The following MYOF variants were observed in gnomAD, a reference collection of about 807,000 sequenced individuals.
MYOF encodes the protein myoferlin.
A neutral mutation model predicts 284.2 loss-of-function variants in MYOF; 244 were observed. The ratio of observed to expected loss-of-function variants is 0.86; its 90% CI spans 0.77 to 0.95. The LOEUF (loss-of-function observed/expected upper bound fraction) is 0.95. Among genes scored for constraint, MYOF ranks in the 40% least tolerant of loss-of-function variants. MYOF has a pLI of 0.00. For missense variants in MYOF, 2,496 were observed against 2,560.6 expected (o/e 0.97, Z 0.54); for synonymous variants, 904 against 919.7 (o/e 0.98, Z 0.31).
chr10:93,369,266 T>TGC, intron 25 of MYOF, among the ~76,000 whole-genome samples: 1 of 147,884 alleles, frequency 6.8e-6, no homozygotes, highest in South Asian at 2.1e-4. Flanking sequence ...TTGGTGTGTG[T>TGC]GTGTGTGTGT....
At chr10:93,360,079 G>T in intron 28 of MYOF, 101 bp from the exon 29 acceptor site, 1 of 1,403,706 alleles carries the variant, frequency 7.1e-7, no homozygotes. Context: ...GCCCTCAGAT[G>T]TTCTGTACTA....
At chr10:93,309,998 G>A (rs752147783) in intron 53 of MYOF, 22 bp downstream of exon 53, 2 of 1,613,644 alleles carry the variant, frequency 1.2e-6, no homozygotes, top group Non-Finnish European at 1.7e-6. Flanking sequence ...GCCAAGACAA[G>A]GGGCCAAGGA....
In MYOF at chr10:93,310,186, G is replaced by A. The variant is rs2133702295; in HGVS notation, c.6000-19C>T. 3 of 1,612,836 alleles carry A rather than the reference G, an allele frequency of 1.9e-6. No homozygotes were observed. The highest frequency in any genetic ancestry group is 2.5e-6 in the Non-Finnish European group (3 of 1,178,914). ...TGGTCGACTGCATTGCAAAGAAACA[G>A]TATCACCTACCCAACTCAGGAGGGA... is the stretch of plus-strand genomic sequence containing the variant. On this transcript the variant is annotated intron_variant, in intron 52 of 53. Coordinates refer to ENST00000359263, the MANE Select transcript of MYOF (RefSeq NM_013451.4).
At chr10:93,396,667 G>A (rs1291486910) in intron 15 of MYOF, among the ~76,000 whole-genome samples, 3 of 152,154 alleles carry the variant, frequency 2.0e-5, no homozygotes, top group African/African-American at 7.2e-5. Flanking sequence ...ACATAATTAT[G>A]ATTGTGATGA....
chr10:93,356,772 C>T lies in MYOF; in HGVS notation c.3197G>A (p.Arg1066His), dbSNP rs988938942. 1.4e-5 allele frequency: 22 copies of T among 1,614,086 alleles called. No homozygotes were observed. The highest frequency in any genetic ancestry group is 1.6e-4 in the Middle Eastern group (1 of 6,084). Residue 1066 changes from arginine to histidine, a missense_variant, in exon 30 of 54, where the codon CGT (arginine) becomes CAT (histidine). By Grantham distance (29) the Arg-to-His change is conservative (BLOSUM62 0). This residue lies in a region of MYOF where 2,436 missense variants were observed against 2,480.7 expected (regional missense o/e 0.98). Transcript: ENST00000359263. ...TCTGCGGCGGAAGGTATCTGAACTA[C>T]GTTGTTTCCAGTGAAATTTCCAGCC... ...LIGWKFHWKQ[R>H]SSDTFRRRRW...
chr10:93,451,152 C>T (rs2056578880), intron 3 of MYOF, among the ~76,000 whole-genome samples: 1 of 152,078 alleles, frequency 6.6e-6, no homozygotes. Context: ...CCAGCCTAGC[C>T]AACATGGTGA....
chr10:93,469,077 T>A (rs1452092670), intron 1 of MYOF, among the ~76,000 whole-genome samples: 1 of 152,148 alleles, frequency 6.6e-6, no homozygotes, highest in Non-Finnish European at 1.5e-5. Context: ...CTTCAGCACC[T>A]GCTTGTGTTG....
intron 3 of MYOF, among the ~76,000 whole-genome samples, chr10:93,445,644 G>A (rs1434977894): frequency 5.3e-5 from 8 of 152,208 alleles, no homozygotes; most frequent in Non-Finnish European, 1.2e-4. Context: ...AGGTGTCACT[G>A]CCCACAGGCG....
rs1490473352 is a variant in MYOF at position 93,369,600 on chromosome 10, C to G, written c.2589+45G>C. 3.7e-6 allele frequency: 6 copies of G among 1,608,664 alleles called. No homozygotes were observed. The African/African-American group carries it at 5.4e-5, about 14-fold the overall frequency. On this transcript the variant is annotated intron_variant, in intron 25 of 53. Coordinates refer to ENST00000359263, the MANE Select transcript of MYOF (RefSeq NM_013451.4). ...ATAAAGGTGAAAAGTAAAAGTGCCC[C>G]TCCCCCGACCAAAGAAGAAAAGATA...
At chr10:93,388,133 T>C (rs1846486461) in intron 18 of MYOF, among the ~76,000 whole-genome samples, 1 of 148,712 alleles carries the variant, frequency 6.7e-6, no homozygotes, top group Non-Finnish European at 1.5e-5. Flanking sequence ...CTTGGGATGC[T>C]AGGGCTGAAA....
At chr10:93,413,031 A>G (rs1489564150) in intron 5 of MYOF, among the ~76,000 whole-genome samples, 1 of 152,112 alleles carries the variant, frequency 6.6e-6, no homozygotes, top group African/African-American at 2.4e-5. Context: ...TCCTTGCCAT[A>G]ATTATAGCAT....
intron 43 of MYOF, among the ~76,000 whole-genome samples, chr10:93,332,689 C>CA (rs756133027): frequency 7.6e-4 from 115 of 151,388 alleles, no homozygotes; most frequent in South Asian, 4.6e-3. Context: ...ACTAAAAATA[C>CA]AAAAAAAATT....
chr10:93,458,311 C>T (rs756985871), intron 1 of MYOF, among the ~76,000 whole-genome samples: 32 of 151,972 alleles, frequency 2.1e-4, no homozygotes, highest in Non-Finnish European at 3.5e-4. Flanking sequence ...CAAGATCACA[C>T]CACTGCACTC....
At chr10:93,369,870 T>C (rs1293663440) in intron 24 of MYOF, 94 bp from the exon 25 acceptor site, 5 of 1,471,150 alleles carry the variant, frequency 3.4e-6, no homozygotes, top group African/African-American at 1.4e-5. Context: ...CATCTAATCA[T>C]TGCTTTCACC....
chr10:93,443,489 T>A (rs2056337727), intron 3 of MYOF, among the ~76,000 whole-genome samples: 2 of 151,852 alleles, frequency 1.3e-5, no homozygotes, highest in Non-Finnish European at 2.9e-5. Flanking sequence ...TGTGTGTGTG[T>A]GTGTGTGTGT....
At chr10:93,417,344 A>G (rs1299158747) in intron 5 of MYOF, among the ~76,000 whole-genome samples, 1 of 152,090 alleles carries the variant, frequency 6.6e-6, no homozygotes, top group Non-Finnish European at 1.5e-5. Flanking sequence ...CATTCCTGAG[A>G]TGTATTGTGA....
chr10:93,443,472 CTGTGTGTGTG>C (rs5787060), intron 3 of MYOF, among the ~76,000 whole-genome samples: 5 of 137,154 alleles, frequency 3.6e-5, no homozygotes, highest in Admixed American at 7.2e-5. Context: ...CTCTCTCTCT[CTGTGTGTGTG>C]TGTGTGTGTG....
At chr10:93,378,302 A>C (rs545087110) in intron 21 of MYOF, among the ~76,000 whole-genome samples, 1 of 152,182 alleles carries the variant, frequency 6.6e-6, no homozygotes, top group Non-Finnish European at 1.5e-5. Context: ...TGATAAGAAG[A>C]ACCAGGATGA....
chr10:93,426,030 T>C (rs1400644112), intron 5 of MYOF, 41 bp downstream of exon 5: 3 of 1,509,538 alleles, frequency 2.0e-6, no homozygotes, highest in Non-Finnish European at 2.7e-6. Flanking sequence ...TTTAGCAGCC[T>C]CCCCCTGGGG....
Sources: allele counts gnomAD v4.1 joint callset (sites outside exome capture counted in the v4.1 genomes callset), GRCh38; gene constraint gnomAD v4.1.1; regional missense constraint gnomAD v4.1.1; transcripts MANE v1.5; gene names NCBI Gene and HGNC (gene_info 2026-07-23, HGNC 2026-07-21).